VPS41: variants seen among roughly 807,000 people sequenced by gnomAD.
The protein encoded by VPS41 is VPS41 subunit of HOPS complex.
In VPS41, 85 loss-of-function variants were observed where a neutral mutation model predicts 130.9. The ratio of observed to expected loss-of-function variants is 0.65; its 90% confidence interval spans 0.55 to 0.78. The LOEUF is 0.78. Among genes scored for constraint, VPS41 ranks in the 30% least tolerant of loss-of-function variants. VPS41 has a pLI of 0.00. For synonymous variants in VPS41, 335 were observed against 332.9 expected (o/e 1.01, Z -0.07); for missense variants, 874 against 1,018.7 (o/e 0.86, Z 1.93).
chr7:38,863,595 A>AGAG (rs1786166286), intron 3 of VPS41, among the ~76,000 whole-genome samples: 1 of 152,230 alleles, frequency 6.6e-6, no homozygotes, highest in Non-Finnish European at 1.5e-5. Flanking sequence ...GCTACATTAA[A>AGAG]GAGGAGTCAC....
chr7:38,867,817 G>A (rs990522929), intron 3 of VPS41, among the ~76,000 whole-genome samples: 2 of 152,174 alleles, frequency 1.3e-5, no homozygotes, highest in African/African-American at 4.8e-5. Flanking sequence ...GGCTGCACTT[G>A]TCATGAAAGC....
chr7:38,829,346 A>G (rs1384860932), intron 5 of VPS41, among the ~76,000 whole-genome samples: 1 of 152,234 alleles, frequency 6.6e-6, no homozygotes, highest in African/African-American at 2.4e-5. Flanking sequence ...TACACCGGGT[A>G]TACTGTTTTT....
intron 22 of VPS41, among the ~76,000 whole-genome samples, chr7:38,748,696 G>GA: frequency 6.6e-6 from 1 of 151,742 alleles, no homozygotes; most frequent in Middle Eastern, 3.4e-3. Flanking sequence ...TTACAGGACA[G>GA]TTTAACAGTT....
chr7:38,783,274 C>G (rs529375119), intron 10 of VPS41, among the ~76,000 whole-genome samples: 1 of 152,054 alleles, frequency 6.6e-6, no homozygotes, highest in Admixed American at 6.6e-5. Context: ...TGGTGGCTCA[C>G]GCTTGTAATC....
chr7:38,727,047 ACCAATC>A (rs1332509815), intron 27 of VPS41, 59 bp from the exon 28 acceptor site: 2 of 1,403,660 alleles, frequency 1.4e-6, no homozygotes, highest in African/African-American at 3.0e-5. Context: ...ATCATTTTAA[ACCAATC>A]CCGACTGAAA....
At chr7:38,848,463 T>C (rs1785775457) in intron 4 of VPS41, among the ~76,000 whole-genome samples, 1 of 152,050 alleles carries the variant, frequency 6.6e-6, no homozygotes, top group East Asian at 1.9e-4. Flanking sequence ...CAATTGAACA[T>C]TATTAAAGCC....
At position 38,805,455 on chromosome 7, in the gene VPS41, C is replaced by A. The variant is rs188527099; in HGVS notation, c.451-8591G>T. 3.1e-3 allele frequency among the ~76,000 whole-genome samples: 478 copies of A among 152,128 alleles called. 5 individuals are homozygous for A. Among genetic ancestry groups the A allele is most frequent in the Non-Finnish European group, 2.8e-3 (189 of 68,008 alleles). On this transcript the variant is annotated intron_variant, in intron 7 of 28. Transcript: ENST00000310301. ...GGCTGAGGCAGAAGAATCACTTGAA[C>A]CTGGGAAGCAGAGATTGCAGTGAGC... is the stretch of plus-strand genomic sequence containing the variant.
At position 38,726,230 on chromosome 7, in the gene VPS41, G is replaced by T. The variant is rs202024980; in HGVS notation, c.*16C>A. Reference sequence around the variant, plus strand: ...CAAAAAGAGTGGTGACAAGGAGACTGACAAGGAGAAATGAGCTATTTTTTC... The same window carrying T: ...CAAAAAGAGTGGTGACAAGGAGACTTACAAGGAGAAATGAGCTATTTTTTC... On this transcript the variant is annotated 3_prime_UTR_variant, in exon 29 of 29. Coordinates refer to ENST00000310301, the MANE Select transcript of VPS41 (RefSeq NM_014396.4). 2.9e-5 allele frequency: 46 copies of T among 1,592,994 alleles called. No individual in the cohort carries two copies. In the African/African-American group the frequency reaches 5.5e-4, roughly 19 times the overall value.
At chr7:38,752,381 A>T in intron 21 of VPS41, 68 bp from the exon 22 acceptor site, 1 of 1,590,662 alleles carries the variant, frequency 6.3e-7, no homozygotes, top group Non-Finnish European at 8.6e-7. Context: ...TAACATTGCT[A>T]TTTTTAGCTC....
chr7:38,767,461 G>T, intron 15 of VPS41, 76 bp downstream of exon 15: 2 of 958,462 alleles, frequency 2.1e-6, no homozygotes, highest in Non-Finnish European at 3.1e-6. Context: ...CAACTGCAAA[G>T]AATGGCTTAT....
At chr7:38,741,643 C>T (rs1457926257) in intron 25 of VPS41, among the ~76,000 whole-genome samples, 3 of 152,114 alleles carry the variant, frequency 2.0e-5, no homozygotes, top group Non-Finnish European at 4.4e-5. Flanking sequence ...TGGGGTGGCC[C>T]GATCTAATGG....
chr7:38,771,076 GAAT>G, intron 14 of VPS41, 119 bp downstream of exon 14: 5 of 735,190 alleles, frequency 6.8e-6, no homozygotes, highest in Non-Finnish European at 9.0e-6. Context: ...ATAGGTTAGG[GAAT>G]TAGTTTAAAA....
chr7:38,780,034 T>C (rs922830442), intron 10 of VPS41, among the ~76,000 whole-genome samples: 1 of 152,148 alleles, frequency 6.6e-6, no homozygotes, highest in Non-Finnish European at 1.5e-5. Context: ...TGAATACAGG[T>C]GGCTGTCAGT....
At chr7:38,789,694 G>T in intron 10 of VPS41, 107 bp downstream of exon 10, 1 of 1,044,406 alleles carries the variant, frequency 9.6e-7, no homozygotes, top group Non-Finnish European at 1.5e-6. Flanking sequence ...TTAGGAGGCT[G>T]CTGCAGGGAT....
chr7:38,902,296 GC>G (rs1271099335), intron 1 of VPS41, among the ~76,000 whole-genome samples: 1 of 151,994 alleles, frequency 6.6e-6, no homozygotes, highest in East Asian at 1.9e-4. Flanking sequence ...TCCCAGTCTG[GC>G]CCCCAACAGA....
At chr7:38,902,691 T>A (rs1350889942) in intron 1 of VPS41, among the ~76,000 whole-genome samples, 1 of 152,186 alleles carries the variant, frequency 6.6e-6, no homozygotes, top group Non-Finnish European at 1.5e-5. Flanking sequence ...ACTTTCCTCA[T>A]GTCACTCCCT....
At chr7:38,821,586 G>A (rs1375811843) in intron 5 of VPS41, among the ~76,000 whole-genome samples, 1 of 151,718 alleles carries the variant, frequency 6.6e-6, no homozygotes, top group Non-Finnish European at 1.5e-5. Context: ...GCGTGCATCT[G>A]TAGTCCCAGC....
At chr7:38,766,709 G>T (rs1784051449) in intron 15 of VPS41, among the ~76,000 whole-genome samples, 1 of 150,782 alleles carries the variant, frequency 6.6e-6, no homozygotes, top group South Asian at 2.1e-4. Context: ...CTGTTTTCAT[G>T]ATAGTGAGTT....
At chr7:38,857,308 T>G (rs1350453266) in intron 4 of VPS41, among the ~76,000 whole-genome samples, 2 of 152,236 alleles carry the variant, frequency 1.3e-5, no homozygotes, top group Non-Finnish European at 2.9e-5. Context: ...TCATCCATTT[T>G]ATAAATATTT....
Sources: gnomAD v4.1 joint callset for allele counts (sites outside exome capture counted in the v4.1 genomes callset) on GRCh38, gnomAD v4.1.1 for gene constraint, MANE v1.5 for transcripts, NCBI Gene and HGNC (gene_info 2026-07-23, HGNC 2026-07-21) for gene names.